IKBKB-DT: variants seen among roughly 807,000 people sequenced by gnomAD.
IKBKB-DT encodes IKBKB antisense RNA.
chr8:42,235,073 C>T (rs921374803), intron 3 of IKBKB-DT, among the ~76,000 whole-genome samples: 10 of 151,974 alleles, frequency 6.6e-5, no homozygotes, highest in South Asian at 4.1e-4. Context: ...AGATTTGCAA[C>T]TTCTCCAATT....
chr8:42,256,209 G>GA (rs1258233197), intron 3 of IKBKB-DT, among the ~76,000 whole-genome samples: 5 of 151,856 alleles, frequency 3.3e-5, no homozygotes, highest in Admixed American at 3.3e-4. Flanking sequence ...GTTAGCTTAA[G>GA]AAAAAAAGAG....
intron 3 of IKBKB-DT, among the ~76,000 whole-genome samples, chr8:42,253,021 G>C (rs1807149460): frequency 6.6e-6 from 1 of 152,182 alleles, no homozygotes; most frequent in South Asian, 2.1e-4. Context: ...TATTAACAAA[G>C]CTAGATCTTT....
intron 3 of IKBKB-DT, among the ~76,000 whole-genome samples, chr8:42,243,067 T>C (rs1807023840): frequency 6.6e-6 from 1 of 152,144 alleles, no homozygotes; most frequent in African/African-American, 2.4e-5. Context: ...TGGGCACTTT[T>C]AAAAGGCAGG....
intron 3 of IKBKB-DT, among the ~76,000 whole-genome samples, chr8:42,260,726 G>C (rs1279682182): frequency 6.6e-6 from 1 of 150,626 alleles, no homozygotes; most frequent in Non-Finnish European, 1.5e-5. Context: ...AAATTCTCCT[G>C]GGACAAACAC....
At chr8:42,270,896 AC>A in exon 1 of IKBKB-DT, 1 of 164,490 alleles carries the variant, frequency 6.1e-6, no homozygotes, top group South Asian at 1.2e-4. Context: ...CCAGCCAAGC[AC>A]CCCCCAGACA....
intron 3 of IKBKB-DT, chr8:42,249,150 C>T (rs1177449276): frequency 1.3e-5 from 2 of 152,146 alleles, no homozygotes; most frequent in Non-Finnish European, 2.9e-5. Context: ...AGGAGGATCA[C>T]TTGAGCCCAG....
At chr8:42,265,200 T>C (rs1305755069) in intron 2 of IKBKB-DT, among the ~76,000 whole-genome samples, 1 of 152,186 alleles carries the variant, frequency 6.6e-6, no homozygotes, top group Non-Finnish European at 1.5e-5. Context: ...TCTTGTTATG[T>C]TTCCCACGCT....
rs773177896 is a variant in IKBKB-DT at position 42,241,224 on chromosome 8, C to CTTTTTTTTTTT, written n.1530-7376_1530-7366dup. ...TTGATGCCTTTAGATATGTTGGAAT[C>CTTTTTTTTTTT]TTTTTTTTTTTTTTTTTTTTTTTTT... On this transcript the variant is annotated intron_variant and non_coding_transcript_variant, in intron 3 of 3. Coordinates refer to ENST00000518213, the Ensembl canonical transcript of IKBKB-DT. Among the ~76,000 whole-genome samples, 136 of 45,696 alleles carry CTTTTTTTTTTT rather than the reference C, an allele frequency of 3.0e-3. 51 individuals are homozygous for CTTTTTTTTTTT. Among genetic ancestry groups the CTTTTTTTTTTT allele is most frequent in the East Asian group, 5.9e-3 (4 of 674 alleles). The allele number at this position is 45,696 out of a possible 152,430, so 30.0% of individuals were successfully genotyped here.
Position 42,257,770 on chromosome 8 carries a change from T to TA in IKBKB-DT, n.1529+5558dup, listed in dbSNP as rs1247174795. 4.6e-5 allele frequency among the ~76,000 whole-genome samples: 7 copies of TA among 151,072 alleles called. No individual in the cohort carries two copies. The East Asian group carries it at 7.7e-4, about 17-fold the overall frequency. On this transcript the variant is annotated intron_variant and non_coding_transcript_variant, in intron 3 of 3. Transcript: ENST00000518213. Reference sequence around the variant, plus strand: ...GCAGCATAGGAGGAGACCTTATCTCTAAAAAAAAATTTTCAAAGGACAATT... The same window carrying TA: ...GCAGCATAGGAGGAGACCTTATCTCTAAAAAAAAAATTTTCAAAGGACAATT...
At position 42,251,423 on chromosome 8, in the gene IKBKB-DT, C is replaced by T. The variant is rs143682512; in HGVS notation, n.1529+11906G>A. On this transcript the variant is annotated intron_variant and non_coding_transcript_variant, in intron 3 of 3. Coordinates refer to ENST00000518213, the Ensembl canonical transcript of IKBKB-DT. ...CAGGGAAGAACAAAGAAGTTGCTTACGGAAGGTTTAAGGAAGCAATAACAT... is the reference window on the plus strand; with the variant it reads ...CAGGGAAGAACAAAGAAGTTGCTTATGGAAGGTTTAAGGAAGCAATAACAT... Among the ~76,000 whole-genome samples, 478 of 152,172 alleles carry T rather than the reference C, an allele frequency of 3.1e-3. 2 individuals are homozygous for T. Among genetic ancestry groups the T allele is most frequent in the African/African-American group, 0.011 (442 of 41,504 alleles).
intron 3 of IKBKB-DT, among the ~76,000 whole-genome samples, chr8:42,253,264 G>A (rs1807153202): frequency 6.6e-6 from 1 of 152,132 alleles, no homozygotes; most frequent in African/African-American, 2.4e-5. Context: ...TTTACCTATA[G>A]CCTGAAAGCC....
chr8:42,252,382 A>G (rs56382620), intron 3 of IKBKB-DT, among the ~76,000 whole-genome samples: 29 of 152,250 alleles, frequency 1.9e-4, no homozygotes, highest in African/African-American at 7.0e-4. Flanking sequence ...TCTTTTGCCT[A>G]TTAAACCTCT....
intron 3 of IKBKB-DT, among the ~76,000 whole-genome samples, chr8:42,238,727 C>T (rs564256558): frequency 6.6e-6 from 1 of 152,282 alleles, no homozygotes; most frequent in Non-Finnish European, 1.5e-5. Flanking sequence ...CCAACTGACT[C>T]CACCTGGACC....
Position 42,266,654 on chromosome 8 carries a change from C to T in IKBKB-DT, n.604-258G>A, listed in dbSNP as rs964134337. Among the ~76,000 whole-genome samples, 15 of 152,134 alleles carry T rather than the reference C, an allele frequency of 9.9e-5. 1 individual carries two copies. The highest frequency in any genetic ancestry group is 3.9e-4 in the Admixed American group (6 of 15,254). ...GGTTAAGGCATTCTAAGTCACAGAACGAGACAGGAGGTCTGCACAAGATAT... is the reference window on the plus strand; with the variant it reads ...GGTTAAGGCATTCTAAGTCACAGAATGAGACAGGAGGTCTGCACAAGATAT... On this transcript the variant is annotated intron_variant and non_coding_transcript_variant, in intron 1 of 3. Transcript: ENST00000518213.
chr8:42,262,884 G>A (rs1166278475), intron 3 of IKBKB-DT, among the ~76,000 whole-genome samples: 3 of 151,892 alleles, frequency 2.0e-5, no homozygotes, highest in African/African-American at 4.8e-5. Flanking sequence ...GACTACAGGC[G>A]AACACCACCA....
At chr8:42,262,869 G>C (rs989078156) in intron 3 of IKBKB-DT, among the ~76,000 whole-genome samples, 2 of 152,110 alleles carry the variant, frequency 1.3e-5, no homozygotes, top group Non-Finnish European at 2.9e-5. Flanking sequence ...CTCCTGAGTA[G>C]CTGGGACTAC....
rs571532084 is a variant in IKBKB-DT, at chr8:42,247,708, C to T, written n.1530-13849G>A. ...ATGGGGGCAGTTTCCTCATGCTGTT[C>T]CCATGATAGTGAGGGAGTTCTCGTG... On this transcript the variant is annotated intron_variant and non_coding_transcript_variant, in intron 3 of 3. Coordinates refer to ENST00000518213, the Ensembl canonical transcript of IKBKB-DT. 2.1e-4 allele frequency among the ~76,000 whole-genome samples: 32 copies of T among 152,248 alleles called. No individual in the cohort carries two copies. The East Asian group carries it at 3.5e-3, about 17-fold the overall frequency.
At chr8:42,255,028 G>A (rs1298998522) in intron 3 of IKBKB-DT, among the ~76,000 whole-genome samples, 1 of 151,558 alleles carries the variant, frequency 6.6e-6, no homozygotes, top group Non-Finnish European at 1.5e-5. Context: ...GATGTGAGGA[G>A]CGCGTCTGCC....
At chr8:42,255,894 C>T (rs1013156405) in intron 3 of IKBKB-DT, among the ~76,000 whole-genome samples, 7 of 151,730 alleles carry the variant, frequency 4.6e-5, no homozygotes, top group South Asian at 2.1e-4. Flanking sequence ...GGAGTGGTGG[C>T]GGGCACCTGT....
Sources: allele counts gnomAD v4.1 joint callset (sites outside exome capture counted in the v4.1 genomes callset), GRCh38; gene constraint gnomAD v4.1.1; transcripts MANE v1.5; gene names NCBI Gene and HGNC (gene_info 2026-07-23, HGNC 2026-07-21).